DAB2IP: variants seen among roughly 807,000 people sequenced by gnomAD.
DAB2IP encodes the protein disabled homolog 2-interacting protein.
Under a neutral mutation model 107.2 loss-of-function variants are expected in DAB2IP, and 28 were observed. The ratio of observed to expected loss-of-function variants is 0.26; its 90% CI spans 0.19 to 0.36. DAB2IP has a LOEUF of 0.36. Ranked by LOEUF, DAB2IP falls within the 10% of genes least tolerant of loss-of-function variation. The pLI is 1.00. For synonymous variants in DAB2IP, 755 were observed against 706.4 expected (o/e 1.07, Z -1.09); for missense variants, 1,400 against 1,644.7 (o/e 0.85, Z 2.57).
chr9:121,671,638 A>G (rs186515159), intron 1 of DAB2IP, among the ~76,000 whole-genome samples: 8 of 152,356 alleles, frequency 5.3e-5, no homozygotes, highest in Admixed American at 3.9e-4. Flanking sequence ...CTTGTAAAAA[A>G]AAATGGTATA....
chr9:121,614,631 G>A (rs1408756740), intron 1 of DAB2IP, among the ~76,000 whole-genome samples: 3 of 151,802 alleles, frequency 2.0e-5, no homozygotes, highest in African/African-American at 4.8e-5. Flanking sequence ...GAGCCACTGC[G>A]CCCGGCCCCA....
intron 2 of DAB2IP, among the ~76,000 whole-genome samples, chr9:121,697,799 C>G (rs1285356875): frequency 6.6e-6 from 1 of 152,076 alleles, no homozygotes; most frequent in Non-Finnish European, 1.5e-5. Context: ...GGGTATGTCT[C>G]CTGTGGATAT....
Position 121,651,662 on chromosome 9 carries a change from G to A in DAB2IP, c.-114G>A. 9.2e-7 allele frequency: 1 copy of A among 1,087,428 alleles called. No homozygotes were observed. Among genetic ancestry groups the A allele is most frequent in the South Asian group, 4.5e-5 (1 of 22,386 alleles). The allele number at this position is 1,087,428 out of a possible 1,614,324, so 67.4% of individuals were successfully genotyped here. The stretch of plus-strand genomic sequence containing the variant: ...TTTGTGGGGCAGCCAGGGCCTCGGC[G>A]GCCGCTCGGGCGAGCGCGGGAGAAC... On this transcript the variant is annotated 5_prime_UTR_variant, in exon 1 of 16. Coordinates refer to ENST00000408936, the Ensembl canonical transcript of DAB2IP. This position sits in a 1 kb window ranked among gnomAD's most constrained non-coding sequence, Gnocchi z 5.1.
intron 1 of DAB2IP, among the ~76,000 whole-genome samples, chr9:121,586,468 T>G (rs542034513): frequency 6.6e-6 from 1 of 152,300 alleles, no homozygotes; most frequent in Non-Finnish European, 1.5e-5. Context: ...TTGGAGAGAC[T>G]GGGTCCAAAA....
rs148820728 is a variant in DAB2IP at position 121,772,423 on chromosome 9, C to T, written c.2079-184C>T. 5.3e-5 allele frequency among the ~76,000 whole-genome samples: 8 copies of T among 152,246 alleles called. No homozygotes were observed. The highest frequency in any genetic ancestry group is 1.9e-4 in the East Asian group (1 of 5,176). On this transcript the variant is annotated intron_variant, in intron 11 of 15. Transcript: ENST00000408936. This position sits in a 1 kb window ranked among gnomAD's most constrained non-coding sequence, Gnocchi z 4.7. Reference sequence around the variant, plus strand: ...AGAAGAGGTTCTGTGCAGGAGCAGCCGCCTCAGCCTCTGGTCCCCGGATTC... The same window carrying T: ...AGAAGAGGTTCTGTGCAGGAGCAGCTGCCTCAGCCTCTGGTCCCCGGATTC...
In DAB2IP at chr9:121,740,708, C is replaced by A. The variant is rs116267308; in HGVS notation, c.363-16305C>A. ...ACAGCTGGAGATAACATAATGTCTG[C>A]TAGACGCCTGGTGGGTTTCAGTGTC... On this transcript the variant is annotated intron_variant, in intron 3 of 15. Transcript: ENST00000408936. 7.5e-3 allele frequency among the ~76,000 whole-genome samples: 1,149 copies of A among 152,310 alleles called. 8 individuals are homozygous for A. Among genetic ancestry groups the A allele is most frequent in the African/African-American group, 0.022 (922 of 41,562 alleles).
intron 1 of DAB2IP, among the ~76,000 whole-genome samples, chr9:121,622,287 C>T (rs113525519): frequency 0.024 from 3,629 of 152,294 alleles, 154 homozygotes; most frequent in African/African-American, 0.082. Flanking sequence ...CGCACCCGGC[C>T]CCGTTTGTGT....
intron 3 of DAB2IP, chr9:121,743,047 G>A: frequency 1.0e-6 from 1 of 958,178 alleles, no homozygotes. Context: ...GGGAGCAGGT[G>A]GGAGGAATAC....
intron 2 of DAB2IP, among the ~76,000 whole-genome samples, chr9:121,691,732 T>G (rs1829173816): frequency 2.0e-5 from 3 of 152,122 alleles, no homozygotes; most frequent in African/African-American, 4.8e-5. Flanking sequence ...AGTGGTGGAA[T>G]CCCCTGCTCC....
intron 1 of DAB2IP, among the ~76,000 whole-genome samples, chr9:121,596,439 C>G (rs762017335): frequency 6.6e-6 from 1 of 152,194 alleles, no homozygotes; most frequent in African/African-American, 2.4e-5. Flanking sequence ...TACCTGAGCA[C>G]AGGAGTTCGA....
chr9:121,683,522 G>A (rs1281582682), intron 2 of DAB2IP, among the ~76,000 whole-genome samples: 1 of 152,198 alleles, frequency 6.6e-6, no homozygotes, highest in African/African-American at 2.4e-5. Context: ...CGTGTTTGAA[G>A]GTTTAGCTGA....
At chr9:121,636,216 C>G (rs1225453190) in intron 1 of DAB2IP, among the ~76,000 whole-genome samples, 1 of 152,088 alleles carries the variant, frequency 6.6e-6, no homozygotes, top group Non-Finnish European at 1.5e-5. Context: ...CCTCAGATGT[C>G]TTTTGGGGGT....
chr9:121,722,179 C>G (rs1830975072), intron 3 of DAB2IP, among the ~76,000 whole-genome samples: 2 of 152,220 alleles, frequency 1.3e-5, no homozygotes, highest in Admixed American at 6.5e-5. Context: ...CTCCGTTGTC[C>G]ATGCATGCAT....
chr9:121,773,177 T>TCGGCGGCCCGGTGAGCTGGCA, exon 12 of DAB2IP: 2 of 1,597,136 alleles, frequency 1.3e-6, no homozygotes, highest in Non-Finnish European at 1.7e-6. Flanking sequence ...AGGAGCTGGC[T>TCGGCGGCCCGGTGAGCTGGCA]CGGCGGCCCG....
At chr9:121,694,313 C>T (rs1028772984) in intron 2 of DAB2IP, among the ~76,000 whole-genome samples, 10 of 152,152 alleles carry the variant, frequency 6.6e-5, no homozygotes, top group African/African-American at 2.4e-4. Context: ...TGCATTCCCC[C>T]ACCCGGAAAT....
At chr9:121,613,346 C>A (rs1831159460) in intron 1 of DAB2IP, among the ~76,000 whole-genome samples, 1 of 152,194 alleles carries the variant, frequency 6.6e-6, no homozygotes, top group African/African-American at 2.4e-5. Context: ...TGTTGACATC[C>A]TCCTCACCAA....
At chr9:121,654,690 T>C (rs1589459006) in intron 1 of DAB2IP, among the ~76,000 whole-genome samples, 1 of 152,300 alleles carries the variant, frequency 6.6e-6, no homozygotes, top group East Asian at 1.9e-4. Context: ...AGCCACCCTG[T>C]GGCCTTTGAG....
chr9:121,691,315 G>A (rs1380984873), intron 2 of DAB2IP, among the ~76,000 whole-genome samples: 1 of 152,120 alleles, frequency 6.6e-6, no homozygotes, highest in Non-Finnish European at 1.5e-5. Context: ...CTGGCCTAGT[G>A]TGGGGACATC....
At chr9:121,628,144 GT>G (rs1446075921) in intron 1 of DAB2IP, among the ~76,000 whole-genome samples, 1 of 152,242 alleles carries the variant, frequency 6.6e-6, no homozygotes, top group Admixed American at 6.5e-5. Flanking sequence ...ACTTCTCTGA[GT>G]TTTCTCAAGC....
Sources: allele counts gnomAD v4.1 joint callset (sites outside exome capture counted in the v4.1 genomes callset), GRCh38; gene constraint gnomAD v4.1.1; non-coding constraint Gnocchi (gnomAD v3.1); transcripts MANE v1.5; gene names NCBI Gene and HGNC (gene_info 2026-07-23, HGNC 2026-07-21).